The following ABCC12 variants were observed in gnomAD, a reference collection of about 807,000 sequenced individuals.
ABCC12 encodes the protein ATP-binding cassette sub-family C member 12.
A neutral mutation model predicts 151.1 loss-of-function variants in ABCC12; 142 were observed. That is an observed-to-expected ratio of 0.94 (90% CI 0.82 to 1.08). The LOEUF (loss-of-function observed/expected upper bound fraction) is 1.08, where lower values mean the gene tolerates loss of function less well. Ranked by LOEUF, ABCC12 falls within the 50% of genes least tolerant of loss-of-function variation. The pLI is 0.00. For synonymous variants in ABCC12, 645 were observed against 646.4 expected (o/e 1.00, Z 0.03); for missense variants, 1,638 against 1,691.1 (o/e 0.97, Z 0.55).
chr16:48,112,046 T>C, intron 15 of ABCC12, 136 bp from the exon 16 acceptor site: 1 of 1,135,344 alleles, frequency 8.8e-7, no homozygotes, highest in African/African-American at 1.6e-5. Flanking sequence ...TCCTGTGCAT[T>C]GTAGGATATT....
chr16:48,147,170 G>A (rs919063799), intron 2 of ABCC12, among the ~76,000 whole-genome samples: 6 of 152,072 alleles, frequency 3.9e-5, no homozygotes, highest in Admixed American at 2.6e-4. Flanking sequence ...AACAACCCAG[G>A]TGGAGAGGAC....
chr16:48,085,491 G>A, intron 29 of ABCC12, 102 bp downstream of exon 29: 2 of 986,646 alleles, frequency 2.0e-6, no homozygotes, highest in Non-Finnish European at 3.2e-6. Flanking sequence ...CTCAATTGCT[G>A]TCTCTTTGCT....
intron 8 of ABCC12, 44 bp downstream of exon 8, chr16:48,138,184 T>C (rs1180944097): frequency 6.4e-7 from 1 of 1,557,874 alleles, no homozygotes; most frequent in Admixed American, 1.8e-5. Flanking sequence ...GAAGAGCATA[T>C]TCTACAAGGT....
intron 2 of ABCC12, among the ~76,000 whole-genome samples, chr16:48,147,384 A>T (rs1315662159): frequency 1.3e-5 from 2 of 152,154 alleles, no homozygotes; most frequent in Non-Finnish European, 2.9e-5. Context: ...TACCTAAGGT[A>T]TGTTGAGTTG....
At position 48,124,274 on chromosome 16, in the gene ABCC12, A is replaced by G. The variant is rs1338604728; in HGVS notation, c.1526T>C (p.Leu509Ser). 6.2e-7 allele frequency: 1 copy of G among 1,614,100 alleles called. No individual in the cohort carries two copies. The highest frequency in any genetic ancestry group is 1.1e-5 in the South Asian group (1 of 91,082). ...ISFVVRKGKILGICGNVGSGK... is the reference protein window; with the variant it reads ...ISFVVRKGKISGICGNVGSGK... ...ACTTCCCACATTCCCACATATTCCC[A>G]AGATCTTCCCCTGCCAGAGAAACAG... Residue 509 changes from leucine (L) to serine (S), a missense_variant, in exon 12 of 31, where the codon TTG (leucine) becomes TCG (serine). By Grantham distance (145) the Leu-to-Ser change is moderately radical (BLOSUM62 -2). Transcript: ENST00000311303.
intron 8 of ABCC12, among the ~76,000 whole-genome samples, chr16:48,134,926 C>A (rs143599328): frequency 0.024 from 3,615 of 151,976 alleles, 136 homozygotes; most frequent in African/African-American, 0.08. Flanking sequence ...GTGACGGGAG[C>A]CTGTAATCCC....
rs73540848 is a variant in ABCC12, at chr16:48,087,722, T to C, written c.3635+204A>G. 8.2e-3 allele frequency: 4,349 copies of C among 533,618 alleles called. 151 individuals are homozygous for C. Among genetic ancestry groups the C allele is most frequent in the African/African-American group, 0.076 (4,037 of 52,990 alleles). The allele number at this position is 533,618 out of a possible 1,614,324, so 33.1% of individuals were successfully genotyped here. On this transcript the variant is annotated intron_variant, in intron 27 of 30. Transcript: ENST00000311303. ...TAATAATGTGTTTATAAAACACAAG[T>C]AATGCTCAGACCCCGGGCCCTGGCT...
intron 15 of ABCC12, among the ~76,000 whole-genome samples, chr16:48,113,472 C>A (rs1963769871): frequency 6.6e-6 from 1 of 152,216 alleles, no homozygotes. Context: ...CTTTGTTCTG[C>A]AAGCCGTCAC....
rs1306942441 is a variant in ABCC12, at chr16:48,085,744, T to G, written c.3715-38A>C. 2.6e-6 allele frequency: 4 copies of G among 1,532,262 alleles called. No homozygotes were observed. The East Asian group carries it at 9.0e-5, about 34-fold the overall frequency. 94.9% of individuals were successfully genotyped at this position (1,532,262 alleles called of 1,614,324 possible). On this transcript the variant is annotated intron_variant, in intron 28 of 30. Transcript: ENST00000311303. ...AAAAATGCCACATTTGTGCTGATGA[T>G]CTATAAAATTGTCCTATGCTGTCTG...
At chr16:48,125,440 A>G (rs1031643372) in intron 11 of ABCC12, among the ~76,000 whole-genome samples, 1 of 152,214 alleles carries the variant, frequency 6.6e-6, no homozygotes, top group Non-Finnish European at 1.5e-5. Flanking sequence ...GGCAGTTGTA[A>G]GATGGCCAGG....
chr16:48,134,401 T>C (rs1024301005), intron 8 of ABCC12, among the ~76,000 whole-genome samples: 1 of 152,156 alleles, frequency 6.6e-6, no homozygotes, highest in Non-Finnish European at 1.5e-5. Flanking sequence ...AAGGTAACAA[T>C]AGCCTGAAAC....
chr16:48,084,445 C>T (rs1437202258), intron 29 of ABCC12, among the ~76,000 whole-genome samples: 1 of 152,230 alleles, frequency 6.6e-6, no homozygotes, highest in Admixed American at 6.5e-5. Flanking sequence ...TATATTGCTG[C>T]CATACCAAAC....
At position 48,099,278 on chromosome 16, in the gene ABCC12, C is replaced by T. The variant is rs914818841; in HGVS notation, c.3038+1594G>A. Reference sequence around the variant, plus strand: ...ACTAAAAATACAAAAATTAGCTGGGCCCCAGTTACTTGGGAGGCTGAGGCA... The same window carrying T: ...ACTAAAAATACAAAAATTAGCTGGGTCCCAGTTACTTGGGAGGCTGAGGCA... On this transcript the variant is annotated intron_variant, in intron 23 of 30. Transcript: ENST00000311303. Among the ~76,000 whole-genome samples, 3 of 151,652 alleles carry T rather than the reference C, an allele frequency of 2.0e-5. No individual in the cohort carries two copies. In the East Asian group the frequency reaches 5.8e-4, roughly 29 times the overall value.
At chr16:48,118,152 C>A (rs888040397) in intron 13 of ABCC12, among the ~76,000 whole-genome samples, 1 of 152,176 alleles carries the variant, frequency 6.6e-6, no homozygotes, top group African/African-American at 2.4e-5. Context: ...AGCCCCACAG[C>A]GGTCCCCAGG....
At chr16:48,084,146 TA>T (rs1370083904) in intron 29 of ABCC12, 73 bp from the exon 30 acceptor site, 23 of 1,413,536 alleles carry the variant, frequency 1.6e-5, no homozygotes, top group Non-Finnish European at 2.1e-5. Flanking sequence ...CTATTTACTT[TA>T]AAAAAAAGAA....
intron 25 of ABCC12, 145 bp downstream of exon 25, chr16:48,090,975 T>C (rs1962858021): frequency 1.3e-6 from 1 of 743,152 alleles, no homozygotes; most frequent in Admixed American, 1.9e-5. Flanking sequence ...CCTCCCAAAG[T>C]GCTGGGATTA....
Position 48,088,183 on chromosome 16 carries a change from T to C in ABCC12, c.3476-98A>G, listed in dbSNP as rs1289970659. The C allele has an allele frequency of 8.8e-6, 12 of 1,363,660 alleles. No individual in the cohort carries two copies. The Admixed American group carries it at 1.6e-4, about 18-fold the overall frequency. The allele number at this position is 1,363,660 out of a possible 1,614,324, so 84.5% of individuals were successfully genotyped here. The stretch of plus-strand genomic sequence containing the variant: ...AGTGGGATTTTTAATGCAATGCAAA[T>C]GTCTCCGTAAGGATGACAGTGTAGA... On this transcript the variant is annotated intron_variant, in intron 26 of 30. Coordinates refer to ENST00000311303, the MANE Select transcript of ABCC12 (RefSeq NM_001393797.1).
intron 12 of ABCC12, 68 bp from the exon 13 acceptor site, chr16:48,121,908 C>T (rs1964083814): frequency 6.3e-7 from 1 of 1,598,546 alleles, no homozygotes; most frequent in Non-Finnish European, 8.5e-7. Context: ...ATGCCCATTG[C>T]ACCCTGGCAC....
intron 3 of ABCC12, among the ~76,000 whole-genome samples, chr16:48,145,301 C>T (rs925521147): frequency 6.6e-6 from 1 of 152,144 alleles, no homozygotes; most frequent in Admixed American, 6.5e-5. Flanking sequence ...CACAGGGCCT[C>T]GTTCCATGTA....
Sources: gnomAD v4.1 joint callset for allele counts (sites outside exome capture counted in the v4.1 genomes callset) on GRCh38, gnomAD v4.1.1 for gene constraint, MANE v1.5 for transcripts, NCBI Gene and HGNC (gene_info 2026-07-23, HGNC 2026-07-21) for gene names.